Variants in RHD observed in about 807,000 individuals in gnomAD.
RHD encodes blood group Rh(D) polypeptide.
RHD carries 16 observed loss-of-function variants against 45.5 expected under a neutral mutation model. The ratio of observed to expected loss-of-function variants is 0.35; its 90% CI spans 0.24 to 0.53. RHD has a LOEUF of 0.53. Among genes scored for constraint, RHD ranks in the 20% least tolerant of loss-of-function variants. The pLI is 0.92. For synonymous variants in RHD, 131 were observed against 217.5 expected, an observed-to-expected ratio of 0.60 and a Z score of 3.50; for missense variants, 306 against 532.0, an observed-to-expected ratio of 0.58 and a Z score of 4.18.
chr1:25,276,416 T>TA (rs59061341), intron 1 of RHD, among the ~76,000 whole-genome samples: 9,405 of 88,496 alleles, frequency 0.11, 1,847 homozygotes, highest in African/African-American at 0.31. Context: ...AATAGTTAAT[T>TA]AAAAAAAAAA....
rs1162586751 is a variant in RHD at position 25,299,153 on chromosome 1, G to C, written c.487-1793G>C. Among the ~76,000 whole-genome samples, 2 of 127,524 alleles carry C rather than the reference G, an allele frequency of 1.6e-5. 1 individual carries two copies. Among genetic ancestry groups the C allele is most frequent in the Non-Finnish European group, 3.7e-5 (2 of 54,232 alleles). 83.7% of individuals were successfully genotyped at this position (127,524 alleles called of 152,430 possible). A position where few individuals can be genotyped will look rare whatever the true frequency, so the allele number is the denominator to read the frequency against. On this transcript the variant is annotated intron_variant, in intron 3 of 9. Coordinates refer to ENST00000328664, the MANE Select transcript of RHD (RefSeq NM_016124.6). ...TCCCAGCGCTTTGGGAGGCCAAGGCGGATGGATCACTTGAGGTCAGGAGTT... is the reference window on the plus strand; with the variant it reads ...TCCCAGCGCTTTGGGAGGCCAAGGCCGATGGATCACTTGAGGTCAGGAGTT...
intron 2 of RHD, among the ~76,000 whole-genome samples, chr1:25,285,089 G>A (rs675072): frequency 0.18 from 23,964 of 131,448 alleles, 6,491 homozygotes; most frequent in Admixed American, 0.26. Flanking sequence ...AAGGAAACAC[G>A]TTAGACAGAG....
chr1:25,309,386 A>G (rs2124700648), intron 7 of RHD, among the ~76,000 whole-genome samples: 1 of 130,014 alleles, frequency 7.7e-6, no homozygotes, highest in Non-Finnish European at 1.8e-5. Flanking sequence ...CTTGTTAACC[A>G]CTCTTTTGAA....
chr1:25,305,374 A>ATATTTATTTATTTATTTATT (rs34347122), intron 6 of RHD, among the ~76,000 whole-genome samples: 1 of 106,702 alleles, frequency 9.4e-6, no homozygotes, highest in African/African-American at 3.1e-5. Context: ...AGGAGTCTGG[A>ATATTTATTTATTTATTTATT]TATTTATTTA....
chr1:25,293,066 G>T lies in RHD; in HGVS notation c.486+2275G>T, dbSNP rs1232624881. Among the ~76,000 whole-genome samples, 4 of 131,128 alleles carry T rather than the reference G, an allele frequency of 3.1e-5. 2 individuals are homozygous for T. The highest frequency in any genetic ancestry group is 7.2e-5 in the Non-Finnish European group (4 of 55,794). 86.0% of individuals were successfully genotyped at this position (131,128 alleles called of 152,430 possible). ...CATTGGATTTGGCCAGGAGACCTTG[G>T]CATGCATGGTTGTAGAGGAGGATGA... On this transcript the variant is annotated intron_variant, in intron 3 of 9. Coordinates refer to ENST00000328664, the MANE Select transcript of RHD (RefSeq NM_016124.6).
At chr1:25,299,072 T>TAAAAAA (rs34867414) in intron 3 of RHD, among the ~76,000 whole-genome samples, 2 of 40,878 alleles carry the variant, frequency 4.9e-5, no homozygotes, top group Non-Finnish European at 5.8e-5. Context: ...CACATGGTGA[T>TAAAAAA]AAAAAAAAAA....
chr1:25,299,093 A>AC (rs1386536859), intron 3 of RHD, among the ~76,000 whole-genome samples: 1 of 126,550 alleles, frequency 7.9e-6, no homozygotes, highest in African/African-American at 2.7e-5. Flanking sequence ...AAAAAAAAAA[A>AC]AAAACAGGCT....
Position 25,306,827 on chromosome 1 carries a change from C to T in RHD, c.1073+98C>T, listed in dbSNP as rs980485059. The T allele has an allele frequency of 4.5e-6, 5 of 1,102,622 alleles. No homozygotes were observed. In the African/African-American group the frequency reaches 7.6e-5, roughly 17 times the overall value. The allele number at this position is 1,102,622 out of a possible 1,614,324, so 68.3% of individuals were successfully genotyped here. A position where few individuals can be genotyped will look rare whatever the true frequency, so the allele number is the denominator to read the frequency against. Reference sequence around the variant, plus strand: ...TTAGCTGGGGCGTGTGCACTCGGGGCCAGGTGCTCAGTAGGCTTCGGTGAA... The same window carrying T: ...TTAGCTGGGGCGTGTGCACTCGGGGTCAGGTGCTCAGTAGGCTTCGGTGAA... On this transcript the variant is annotated intron_variant, in intron 7 of 9. Transcript: ENST00000328664.
chr1:25,276,771 A>C lies in RHD; in HGVS notation c.148+4076A>C, dbSNP rs1380605553. Among the ~76,000 whole-genome samples, 2 of 132,046 alleles carry C rather than the reference A, an allele frequency of 1.5e-5. 1 individual carries two copies. The highest frequency in any genetic ancestry group is 3.6e-5 in the Non-Finnish European group (2 of 55,892). 86.6% of individuals were successfully genotyped at this position (132,046 alleles called of 152,430 possible). A position where few individuals can be genotyped will look rare whatever the true frequency, so the allele number is the denominator to read the frequency against. On this transcript the variant is annotated intron_variant, in intron 1 of 9. Transcript: ENST00000328664. ...GCTGTAATAACAAATTTAAAAATAT[A>C]AATAAAACATAAAGGCTGGGTGTAG...
At chr1:25,285,404 G>T (rs530149959) in intron 2 of RHD, among the ~76,000 whole-genome samples, 1 of 134,938 alleles carries the variant, frequency 7.4e-6, no homozygotes, top group Non-Finnish European at 1.8e-5. Context: ...AAAGTGCTGG[G>T]ATTACAGACA....
At chr1:25,300,665 C>G (rs982231975) in intron 3 of RHD, among the ~76,000 whole-genome samples, 1 of 131,318 alleles carries the variant, frequency 7.6e-6, no homozygotes, top group African/African-American at 2.6e-5. Context: ...CAAAATTAGC[C>G]CAGCGTAGTG....
At chr1:25,315,467 T>C (rs1300211184) in intron 7 of RHD, among the ~76,000 whole-genome samples, 1 of 127,536 alleles carries the variant, frequency 7.8e-6, no homozygotes, top group Non-Finnish European at 1.8e-5. Context: ...GCAACTCTTT[T>C]TATCTTTTTA....
At chr1:25,297,059 G>GA (rs1643015292) in intron 3 of RHD, among the ~76,000 whole-genome samples, 1 of 129,492 alleles carries the variant, frequency 7.7e-6, no homozygotes, top group Admixed American at 7.5e-5. Context: ...ATCTTTTCTA[G>GA]AAAAAAATAT....
intron 3 of RHD, among the ~76,000 whole-genome samples, chr1:25,296,633 C>T (rs599286): frequency 1.3e-4 from 17 of 131,534 alleles, no homozygotes; most frequent in African/African-American, 4.5e-4. Flanking sequence ...GGCATGACCT[C>T]GTGGGAGGTG....
intron 8 of RHD, among the ~76,000 whole-genome samples, chr1:25,320,495 T>G (rs1307684438): frequency 1.5e-5 from 2 of 132,474 alleles, no homozygotes; most frequent in African/African-American, 5.1e-5. Flanking sequence ...TGCGTCATGC[T>G]GGTTGTACCC....
chr1:25,303,442 G>A lies in RHD; in HGVS notation c.922G>A (p.Gly308Arg), dbSNP rs1355698683. The change falls in exon 6 of 10, where the codon GGA (glycine) becomes AGA (arginine). Residue 308 changes from glycine to arginine, a missense_variant. Gly to Arg is a moderately radical substitution (Grantham distance 125). Coordinates refer to ENST00000328664, the MANE Select transcript of RHD (RefSeq NM_016124.6). ...TGTGGCTGGGCTGATCTCCGTCGGG[G>A]GAGCCAAGTACCTGCCGGTAAGAAA... is the stretch of plus-strand genomic sequence containing the variant. The part of the protein sequence containing the change: ...GLVAGLISVG[G>R]AKYLPGCCNR... 10 of 1,379,058 alleles carry A rather than the reference G, an allele frequency of 7.3e-6. 3 individuals are homozygous for A. The highest frequency in any genetic ancestry group is 1.0e-5 in the Non-Finnish European group (10 of 978,810). 85.4% of individuals were successfully genotyped at this position (1,379,058 alleles called of 1,614,324 possible).
rs1437769757 is a variant in RHD at position 25,294,058 on chromosome 1, A to G, written c.486+3267A>G. 29 of 670,324 alleles carry G rather than the reference A, an allele frequency of 4.3e-5. 5 individuals carry two copies. The African/African-American group carries it at 4.5e-4, about 10-fold the overall frequency. The allele number at this position is 670,324 out of a possible 1,614,324, so 41.5% of individuals were successfully genotyped here. On this transcript the variant is annotated intron_variant, in intron 3 of 9. Transcript: ENST00000328664. ...TGTGATTAAGAGAAGAAGGCTGTCC[A>G]CCAATGGGCTTATCTGTTATTTCTT...
rs1449262295 is a variant in RHD, at chr1:25,301,793, C to T, written c.801+107C>T. 4 of 870,518 alleles carry T rather than the reference C, an allele frequency of 4.6e-6. No homozygotes were observed. In the Admixed American group the frequency reaches 5.7e-5, roughly 12 times the overall value. The allele number at this position is 870,518 out of a possible 1,614,324, so 53.9% of individuals were successfully genotyped here. ...CAGCGTGGGTTGGGAGAGGGCATGC[C>T]GGGTGGTGGAGCTGTGCCTGCCTCT... On this transcript the variant is annotated intron_variant, in intron 5 of 9. Transcript: ENST00000328664.
Position 25,306,681 on chromosome 1 carries a change from T to C in RHD, c.1025T>C (p.Ile342Thr), listed in dbSNP as rs138235491. The part of the protein sequence containing the change: ...FSLLGLLGEI[I>T]YIVLLVLDTV... Reference sequence around the variant, plus strand: ...TTGCTGGGTCTGCTTGGAGAGATCATCTACATTGTGCTGCTGGTGCTTGAT... The same window carrying C: ...TTGCTGGGTCTGCTTGGAGAGATCACCTACATTGTGCTGCTGGTGCTTGAT... Residue 342 changes from isoleucine (I) to threonine (T), a missense_variant, in exon 7 of 10, where the codon ATC (isoleucine) becomes ACC (threonine). Physicochemically the swap from Ile to Thr is moderately conservative, Grantham distance 89 (BLOSUM62 -1). Transcript: ENST00000328664. 5.2e-4 allele frequency: 712 copies of C among 1,378,464 alleles called. 127 individuals are homozygous for C. The African/African-American group carries it at 8.0e-3, about 15-fold the overall frequency. The allele number at this position is 1,378,464 out of a possible 1,614,324, so 85.4% of individuals were successfully genotyped here. A position where few individuals can be genotyped will look rare whatever the true frequency, so the allele number is the denominator to read the frequency against.
Sources: gnomAD v4.1 joint callset for allele counts (sites outside exome capture counted in the v4.1 genomes callset) on GRCh38, gnomAD v4.1.1 for gene constraint, MANE v1.5 for transcripts, NCBI Gene and HGNC (gene_info 2026-07-23, HGNC 2026-07-21) for gene names.